SCAPER: variants seen among roughly 807,000 people sequenced by gnomAD.
SCAPER encodes S-phase cyclin A associated protein in the ER.
Under a neutral mutation model 182.2 loss-of-function variants are expected in SCAPER, and 98 were observed. That is an observed-to-expected ratio of 0.54 (90% CI 0.46 to 0.64). SCAPER has a LOEUF of 0.64. Ranked by LOEUF, SCAPER falls within the 30% of genes least tolerant of loss-of-function variation. SCAPER has a pLI of 0.00. For missense variants in SCAPER, 1,432 were observed against 1,690.0 expected (o/e 0.85, Z 2.68); for synonymous variants, 605 against 564.6 (o/e 1.07, Z -1.01).
At chr15:76,520,545 CAT>C (rs951569717) in intron 23 of SCAPER, among the ~76,000 whole-genome samples, 1 of 152,074 alleles carries the variant, frequency 6.6e-6, no homozygotes, top group African/African-American at 2.4e-5. Flanking sequence ...TGCTGTTTCC[CAT>C]GTGCTTGGTC....
At chr15:76,849,015 C>A (rs2070436501) in intron 4 of SCAPER, among the ~76,000 whole-genome samples, 1 of 152,180 alleles carries the variant, frequency 6.6e-6, no homozygotes, top group Non-Finnish European at 1.5e-5. Flanking sequence ...ACAGTGCTAT[C>A]CCTCCTGCCC....
chr15:76,799,864 T>C (rs1345969576), intron 7 of SCAPER, among the ~76,000 whole-genome samples: 1 of 152,152 alleles, frequency 6.6e-6, no homozygotes, highest in Non-Finnish European at 1.5e-5. Context: ...CCTGGTTAGC[T>C]TTCCTGAGTC....
chr15:76,627,303 G>A (rs1281515912), intron 21 of SCAPER, among the ~76,000 whole-genome samples: 1 of 151,668 alleles, frequency 6.6e-6, no homozygotes, highest in Admixed American at 6.6e-5. Flanking sequence ...ATAGTATATT[G>A]TAAGTGTCAC....
intron 21 of SCAPER, among the ~76,000 whole-genome samples, chr15:76,634,523 C>A (rs2053429592): frequency 6.6e-6 from 1 of 152,084 alleles, no homozygotes; most frequent in African/African-American, 2.4e-5. Flanking sequence ...AAGCTGTATA[C>A]CAATTTTGGG....
intron 5 of SCAPER, among the ~76,000 whole-genome samples, chr15:76,832,061 T>A (rs1333327514): frequency 6.6e-6 from 1 of 152,228 alleles, no homozygotes; most frequent in Admixed American, 6.5e-5. Flanking sequence ...ACAAAAATTC[T>A]GGCAATTCTC....
At chr15:76,418,771 G>A (rs912861643) in intron 26 of SCAPER, among the ~76,000 whole-genome samples, 2 of 152,234 alleles carry the variant, frequency 1.3e-5, no homozygotes, top group Non-Finnish European at 2.9e-5. Context: ...CCACCAAACA[G>A]CTGGTTGGCC....
chr15:76,703,516 C>T (rs1167320401), intron 18 of SCAPER, among the ~76,000 whole-genome samples: 1 of 152,196 alleles, frequency 6.6e-6, no homozygotes, highest in Non-Finnish European at 1.5e-5. Context: ...TTTATACCTC[C>T]AGTGACAATC....
chr15:76,753,159 T>C (rs1459745388), intron 15 of SCAPER, among the ~76,000 whole-genome samples: 1 of 151,860 alleles, frequency 6.6e-6, no homozygotes, highest in Non-Finnish European at 1.5e-5. Flanking sequence ...CAAAGATGTA[T>C]ACATGAATTG....
intron 5 of SCAPER, among the ~76,000 whole-genome samples, chr15:76,809,817 C>T (rs1200501708): frequency 6.6e-6 from 1 of 152,062 alleles, no homozygotes; most frequent in East Asian, 1.9e-4. Flanking sequence ...ATCAAATTGT[C>T]AAAAGTTAAA....
chr15:76,498,367 C>A (rs993090044), intron 24 of SCAPER: 2 of 152,146 alleles, frequency 1.3e-5, no homozygotes, highest in African/African-American at 2.4e-5. Context: ...AGTGAGATAT[C>A]TTCTTTCTAT....
Position 76,855,742 on chromosome 15 carries a change from T to C in SCAPER, c.195+2067A>G, listed in dbSNP as rs115713617. On this transcript the variant is annotated intron_variant, in intron 4 of 31. Coordinates refer to ENST00000563290, the MANE Select transcript of SCAPER (RefSeq NM_020843.4). ...AGATACCACTTCACACCAGTCGGAA[T>C]GGCTATTACTAAAAAGTCAAAAAAA... 1,385 of 271,806 alleles carry C rather than the reference T, an allele frequency of 5.1e-3. 16 individuals are homozygous for C. The highest frequency in any genetic ancestry group is 0.028 in the African/African-American group (1,287 of 45,924). 16.8% of individuals were successfully genotyped at this position (271,806 alleles called of 1,614,324 possible). A position where few individuals can be genotyped will look rare whatever the true frequency, so the allele number is the denominator to read the frequency against.
intron 5 of SCAPER, among the ~76,000 whole-genome samples, chr15:76,817,520 A>G (rs1246519401): frequency 1.3e-5 from 2 of 152,188 alleles, no homozygotes; most frequent in African/African-American, 4.8e-5. Flanking sequence ...GGCACTAGTT[A>G]ATGATAACGT....
intron 23 of SCAPER, among the ~76,000 whole-genome samples, chr15:76,524,689 G>GTTTGTTTTTTTTTTTTTTTTTTT: frequency 2.0e-5 from 1 of 50,116 alleles, no homozygotes; most frequent in Non-Finnish European, 3.5e-5. Flanking sequence ...TTTTTGTTCT[G>GTTTGTTTTTTTTTTTTTTTTTTT]TTTTTTTTTT....
At chr15:76,584,251 C>A (rs1389186816) in intron 22 of SCAPER, among the ~76,000 whole-genome samples, 1 of 149,974 alleles carries the variant, frequency 6.7e-6, no homozygotes, top group Non-Finnish European at 1.5e-5. Context: ...GAGAGTAGAT[C>A]GATGGTTACC....
intron 5 of SCAPER, among the ~76,000 whole-genome samples, chr15:76,814,748 G>A (rs748161549): frequency 6.6e-6 from 1 of 151,882 alleles, no homozygotes; most frequent in African/African-American, 2.4e-5. Flanking sequence ...CAACAAAAGC[G>A]AAAATATCCA....
chr15:76,857,314 T>C (rs1460406150), intron 4 of SCAPER, among the ~76,000 whole-genome samples: 1 of 151,990 alleles, frequency 6.6e-6, no homozygotes, highest in Non-Finnish European at 1.5e-5. Context: ...ATGACTGTAG[T>C]TCCAGGTTCT....
chr15:76,449,035 C>T (rs1313842538), intron 25 of SCAPER, among the ~76,000 whole-genome samples: 1 of 152,120 alleles, frequency 6.6e-6, no homozygotes, highest in South Asian at 2.1e-4. Context: ...GACAGAAGCA[C>T]ACACAGGAAT....
chr15:76,545,538 G>C (rs2045202780), intron 23 of SCAPER, among the ~76,000 whole-genome samples: 1 of 152,078 alleles, frequency 6.6e-6, no homozygotes, highest in Non-Finnish European at 1.5e-5. Context: ...CTGGGACCAG[G>C]CTAAGCTTTC....
At chr15:76,611,060 T>C (rs1015316680) in intron 22 of SCAPER, among the ~76,000 whole-genome samples, 1 of 152,094 alleles carries the variant, frequency 6.6e-6, no homozygotes, top group Non-Finnish European at 1.5e-5. Context: ...GGCATAAAAA[T>C]AGACCTATAG....
Sources: gnomAD v4.1 joint callset for allele counts (sites outside exome capture counted in the v4.1 genomes callset) on GRCh38, gnomAD v4.1.1 for gene constraint, MANE v1.5 for transcripts, NCBI Gene and HGNC (gene_info 2026-07-23, HGNC 2026-07-21) for gene names.